Variants in PADI6 observed in about 807,000 individuals in gnomAD.
PADI6 encodes the protein inactive protein-arginine deiminase type-6.
Under a neutral mutation model 78.2 loss-of-function variants are expected in PADI6, and 66 were observed. The ratio of observed to expected loss-of-function variants is 0.84; its 90% confidence interval spans 0.69 to 1.04. The LOEUF is 1.04. Ranked by LOEUF, PADI6 falls within the 50% of genes least tolerant of loss-of-function variation. PADI6 has a pLI of 0.00. For synonymous variants in PADI6, 397 were observed against 346.9 expected (o/e 1.14, Z -1.60); for missense variants, 854 against 866.1 (o/e 0.99, Z 0.18).
At chr1:17,388,200 A>AT (rs1424820419) in intron 6 of PADI6, among the ~76,000 whole-genome samples, 181 bp from the exon 7 acceptor site, 1 of 152,242 alleles carries the variant, frequency 6.6e-6, no homozygotes, top group Non-Finnish European at 1.5e-5. Flanking sequence ...GTGTATGAAC[A>AT]TCTGGTTGTC....
Position 17,394,003 on chromosome 1 carries a change from C to T in PADI6, c.1103C>T (p.Ala368Val). The change falls in exon 10 of 16, where the codon GCT (alanine) becomes GTT (valine). Residue 368 changes from alanine (A) to valine (V), a missense_variant. Ala to Val is a moderately conservative substitution (Grantham distance 64). Coordinates refer to ENST00000619609, the MANE Select transcript of PADI6 (RefSeq NM_207421.4). ...QDEMAFCYTQ[A>V]PHKTTSLILD... ...GAGATGGCCTTCTGCTACACCCAGG[C>T]TCCCCACAAGACAACGTCCTTGATC... is the stretch of plus-strand genomic sequence containing the variant. 2 of 1,613,952 alleles carry T rather than the reference C, an allele frequency of 1.2e-6. No homozygotes were observed. The highest frequency in any genetic ancestry group is 8.5e-7 in the Non-Finnish European group (1 of 1,179,876).
intron 2 of PADI6, among the ~76,000 whole-genome samples, chr1:17,374,212 C>G (rs975685760): frequency 1.1e-4 from 17 of 152,034 alleles, no homozygotes; most frequent in African/African-American, 3.9e-4. Flanking sequence ...TCCCTCCCCC[C>G]ACACCCTACA....
At chr1:17,391,065 C>T (rs2075177931) in intron 8 of PADI6, among the ~76,000 whole-genome samples, 1 of 152,172 alleles carries the variant, frequency 6.6e-6, no homozygotes, top group East Asian at 1.9e-4. Context: ...TATGAATGTG[C>T]TATGCCAGTA....
At chr1:17,395,189 GC>G in intron 12 of PADI6, 82 bp downstream of exon 12, 1 of 1,464,988 alleles carries the variant, frequency 6.8e-7, no homozygotes, top group East Asian at 2.3e-5. Context: ...GAGAAAACTG[GC>G]TTTTTCTTGT....
chr1:17,390,213 AT>A (rs2075168534), intron 8 of PADI6, among the ~76,000 whole-genome samples: 1 of 152,092 alleles, frequency 6.6e-6, no homozygotes, highest in Non-Finnish European at 1.5e-5. Flanking sequence ...AGGCAGGAGA[AT>A]CACTTGAACC....
At chr1:17,378,338 C>T (rs2075038559) in intron 3 of PADI6, among the ~76,000 whole-genome samples, 1 of 152,184 alleles carries the variant, frequency 6.6e-6, no homozygotes, top group Non-Finnish European at 1.5e-5. Flanking sequence ...GGACCTGGGG[C>T]AGCCCAGTTC....
At chr1:17,393,808 G>GGA (rs774151662) in intron 9 of PADI6, among the ~76,000 whole-genome samples, 167 bp from the exon 10 acceptor site, 4 of 152,172 alleles carry the variant, frequency 2.6e-5, no homozygotes, top group South Asian at 2.1e-4. Flanking sequence ...GAAGAGTAGG[G>GGA]GAGAGAGGGA....
chr1:17,398,986 C>G, intron 15 of PADI6, 139 bp downstream of exon 15: 1 of 987,852 alleles, frequency 1.0e-6, no homozygotes, highest in African/African-American at 1.6e-5. Context: ...GACCCCTTCT[C>G]CCCCATCTCG....
intron 8 of PADI6, 109 bp from the exon 9 acceptor site, chr1:17,392,004 TA>T: frequency 1.1e-6 from 1 of 898,182 alleles, no homozygotes; most frequent in Non-Finnish European, 1.7e-6. Context: ...GGCAGGGATG[TA>T]ACCTCTCCTG....
intron 6 of PADI6, among the ~76,000 whole-genome samples, chr1:17,387,780 C>T (rs944569029): frequency 1.3e-5 from 2 of 152,124 alleles, no homozygotes; most frequent in Non-Finnish European, 2.9e-5. Flanking sequence ...AATTAGCAAA[C>T]GGACAACCAC....
At chr1:17,384,257 G>A (rs560767510) in intron 6 of PADI6, among the ~76,000 whole-genome samples, 20 of 152,202 alleles carry the variant, frequency 1.3e-4, no homozygotes, top group Non-Finnish European at 2.5e-4. Context: ...TACAGCAAAA[G>A]AGTCTGAAAA....
At chr1:17,386,782 C>G (rs1201351865) in intron 6 of PADI6, among the ~76,000 whole-genome samples, 1 of 152,198 alleles carries the variant, frequency 6.6e-6, no homozygotes, top group African/African-American at 2.4e-5. Context: ...ACTGCAGAGT[C>G]CATCGGGAGG....
chr1:17,385,545 C>T (rs570285150), intron 6 of PADI6, among the ~76,000 whole-genome samples: 1 of 152,054 alleles, frequency 6.6e-6, no homozygotes, highest in African/African-American at 2.4e-5. Context: ...TTGGAGGTGG[C>T]ATCTAGTCTG....
intron 3 of PADI6, among the ~76,000 whole-genome samples, chr1:17,376,466 A>AT (rs549451529): frequency 7.3e-5 from 11 of 151,146 alleles, no homozygotes; most frequent in East Asian, 1.9e-4. Flanking sequence ...TGCCCGGCTA[A>AT]TTTTTTTTTA....
chr1:17,399,326 C>T (rs2075278331), intron 15 of PADI6, among the ~76,000 whole-genome samples: 1 of 152,210 alleles, frequency 6.6e-6, no homozygotes. Context: ...AGGCCAGGCG[C>T]AGTGGCTCAT....
chr1:17,377,493 C>T (rs537367046), intron 3 of PADI6, among the ~76,000 whole-genome samples: 3 of 152,284 alleles, frequency 2.0e-5, no homozygotes, highest in South Asian at 2.1e-4. Context: ...CCCACAAACC[C>T]GACTTGGATA....
At chr1:17,376,491 ATT>A (rs35174721) in intron 3 of PADI6, among the ~76,000 whole-genome samples, 1 of 148,394 alleles carries the variant, frequency 6.7e-6, no homozygotes, top group African/African-American at 2.5e-5. Context: ...TAGTGGGCTA[ATT>A]TTTTTTATTT....
At chr1:17,388,334 G>T in intron 6 of PADI6, 47 bp from the exon 7 acceptor site, 1 of 1,520,194 alleles carries the variant, frequency 6.6e-7, no homozygotes. Context: ...AATGTGACCG[G>T]CACCAGGTTA....
At chr1:17,393,254 C>A (rs1249540223) in intron 9 of PADI6, among the ~76,000 whole-genome samples, 1 of 152,118 alleles carries the variant, frequency 6.6e-6, no homozygotes, top group Non-Finnish European at 1.5e-5. Flanking sequence ...GTTAAGGTAC[C>A]TTTTAAGCTA....
Sources: gnomAD v4.1 joint callset for allele counts (sites outside exome capture counted in the v4.1 genomes callset) on GRCh38, gnomAD v4.1.1 for gene constraint, MANE v1.5 for transcripts, NCBI Gene and HGNC (gene_info 2026-07-23, HGNC 2026-07-21) for gene names.